The following FAM135B variants were observed in gnomAD, a reference collection of about 807,000 sequenced individuals.
FAM135B encodes protein FAM135B.
A neutral mutation model predicts 127.7 loss-of-function variants in FAM135B; 43 were observed. That is an observed-to-expected ratio of 0.34 (90% CI 0.26 to 0.43). FAM135B has a LOEUF of 0.43. Among genes scored for constraint, FAM135B ranks in the 20% least tolerant of loss-of-function variants. FAM135B has a pLI of 1.00. For missense variants in FAM135B, 1,558 were observed against 1,725.6 expected (o/e 0.90, Z 1.72); for synonymous variants, 670 against 665.1 (o/e 1.01, Z -0.11).
intron 5 of FAM135B, among the ~76,000 whole-genome samples, chr8:138,253,749 G>A (rs16908704): frequency 0.14 from 21,866 of 152,028 alleles, 1,708 homozygotes; most frequent in African/African-American, 0.17. Flanking sequence ...AAGCTCTTCC[G>A]TCCCTCATAT....
chr8:138,264,927 T>C (rs2130620521), intron 4 of FAM135B, among the ~76,000 whole-genome samples: 1 of 152,322 alleles, frequency 6.6e-6, no homozygotes, highest in East Asian at 1.9e-4. Flanking sequence ...CGATATATTC[T>C]AGCAGAAAAA....
chr8:138,297,142 C>T (rs902099070), intron 3 of FAM135B, among the ~76,000 whole-genome samples: 3 of 152,146 alleles, frequency 2.0e-5, no homozygotes, highest in Non-Finnish European at 4.4e-5. Context: ...GCATCTGCTA[C>T]GTCACTCCCT....
At chr8:138,312,381 T>A (rs1169133326) in intron 2 of FAM135B, among the ~76,000 whole-genome samples, 1 of 152,122 alleles carries the variant, frequency 6.6e-6, no homozygotes, top group African/African-American at 2.4e-5. Flanking sequence ...CAAATGAAGA[T>A]GCTTCAAGGT....
At chr8:138,213,255 A>G (rs1000472731) in intron 7 of FAM135B, among the ~76,000 whole-genome samples, 1 of 152,232 alleles carries the variant, frequency 6.6e-6, no homozygotes, top group Admixed American at 6.5e-5. Context: ...CTTAGAATAA[A>G]TTAAATGACT....
intron 6 of FAM135B, among the ~76,000 whole-genome samples, chr8:138,247,526 T>C (rs1821382259): frequency 6.6e-6 from 1 of 152,232 alleles, no homozygotes; most frequent in African/African-American, 2.4e-5. Flanking sequence ...TGACTGTATG[T>C]TTCCTGAGGC....
intron 15 of FAM135B, among the ~76,000 whole-genome samples, chr8:138,144,019 C>T (rs1817440838): frequency 6.6e-6 from 1 of 152,210 alleles, no homozygotes. Context: ...ATAAGCTCTT[C>T]TGCTTATGGG....
In FAM135B at chr8:138,345,657, C is replaced by A. The variant is rs554340536; in HGVS notation, c.77+22250G>T. 9.8e-5 allele frequency among the ~76,000 whole-genome samples: 15 copies of A among 152,336 alleles called. No homozygotes were observed. In the South Asian group the frequency reaches 2.9e-3, roughly 29 times the overall value. ...CAACTCTATCTGAAGCCACTCACTG[C>A]CCCCAAACCACCCAGCCATGTGGCG... On this transcript the variant is annotated intron_variant, in intron 2 of 19. Coordinates refer to ENST00000395297, the MANE Select transcript of FAM135B (RefSeq NM_015912.4).
At chr8:138,363,370 T>C (rs971306797) in intron 2 of FAM135B, among the ~76,000 whole-genome samples, 4 of 152,158 alleles carry the variant, frequency 2.6e-5, no homozygotes, top group African/African-American at 7.2e-5. Context: ...TTACAGGCCA[T>C]ACAATGTTGG....
In FAM135B at chr8:138,300,612, T is replaced by C. The variant is rs1004775034; in HGVS notation, c.157+10229A>G. 3.9e-5 allele frequency among the ~76,000 whole-genome samples: 6 copies of C among 152,150 alleles called. 1 individual carries two copies. The South Asian group carries it at 1.2e-3, about 32-fold the overall frequency. ...AAGAAGAAAAGACTAAATCATGTAA[T>C]TATCCATCATTAGTATCAACCTATT... On this transcript the variant is annotated intron_variant, in intron 3 of 19. Transcript: ENST00000395297.
At chr8:138,393,655 G>C (rs1269316121) in intron 1 of FAM135B, among the ~76,000 whole-genome samples, 2 of 152,122 alleles carry the variant, frequency 1.3e-5, no homozygotes, top group African/African-American at 4.8e-5. Context: ...AACTGCAGTA[G>C]TCTCAGGCTG....
chr8:138,438,148 T>C (rs1411315696), intron 1 of FAM135B: 1 of 152,210 alleles, frequency 6.6e-6, no homozygotes, highest in African/African-American at 2.4e-5. Context: ...CACTTTGACA[T>C]CCTAAGAATA....
At chr8:138,135,018 T>C (rs1197380493) in intron 19 of FAM135B, among the ~76,000 whole-genome samples, 3 of 152,220 alleles carry the variant, frequency 2.0e-5, no homozygotes, top group Non-Finnish European at 1.5e-5. Flanking sequence ...TCAGACTTTC[T>C]CTGTAAATAT....
At chr8:138,337,469 C>T (rs1274720773) in intron 2 of FAM135B, among the ~76,000 whole-genome samples, 1 of 151,248 alleles carries the variant, frequency 6.6e-6, no homozygotes, top group Non-Finnish European at 1.5e-5. Context: ...CAATAGCAGA[C>T]AAACAGAGGG....
rs150296447 is a variant in FAM135B, at chr8:138,167,817, T to C, written c.1258+78A>G. 4.6e-3 allele frequency: 6,721 copies of C among 1,471,592 alleles called. 88 individuals carry two copies. Among genetic ancestry groups the C allele is most frequent in the Middle Eastern group, 0.04 (221 of 5,550 alleles). The allele number at this position is 1,471,592 out of a possible 1,614,324, so 91.2% of individuals were successfully genotyped here. A position where few individuals can be genotyped will look rare whatever the true frequency, so the allele number is the denominator to read the frequency against. On this transcript the variant is annotated intron_variant, in intron 12 of 19. Transcript: ENST00000395297. Reference sequence around the variant, plus strand: ...TAATTTGGTCTCACTTTTGCTGGAATATAAACAAACTGTGCCATTGTCAGA... The same window carrying C: ...TAATTTGGTCTCACTTTTGCTGGAACATAAACAAACTGTGCCATTGTCAGA...
At chr8:138,194,646 T>C (rs1816462031) in intron 9 of FAM135B, among the ~76,000 whole-genome samples, 1 of 152,218 alleles carries the variant, frequency 6.6e-6, no homozygotes, top group African/African-American at 2.4e-5. Flanking sequence ...TTAGCTGTGT[T>C]AGTCACCCTG....
chr8:138,409,690 G>A (rs1436749899), intron 1 of FAM135B, among the ~76,000 whole-genome samples: 3 of 151,812 alleles, frequency 2.0e-5, no homozygotes, highest in Admixed American at 6.6e-5. Flanking sequence ...CCTGGCTAAC[G>A]TGGTGAAACC....
intron 2 of FAM135B, among the ~76,000 whole-genome samples, chr8:138,341,592 C>A (rs1829052686): frequency 6.6e-6 from 1 of 151,974 alleles, no homozygotes; most frequent in Non-Finnish European, 1.5e-5. Context: ...TTATATTATG[C>A]ATATTTTACC....
At chr8:138,463,411 G>A (rs956171893) in intron 1 of FAM135B, among the ~76,000 whole-genome samples, 1 of 152,166 alleles carries the variant, frequency 6.6e-6, no homozygotes, top group Non-Finnish European at 1.5e-5. Context: ...TATCAGGAAA[G>A]GGGGTGGGTG....
intron 7 of FAM135B, among the ~76,000 whole-genome samples, chr8:138,218,813 AG>A (rs1475303851): frequency 8.8e-5 from 13 of 148,390 alleles, no homozygotes; most frequent in African/African-American, 3.2e-4. Context: ...AGGGAGAGAA[AG>A]AGAGAGAGAG....
Sources: allele counts gnomAD v4.1 joint callset (sites outside exome capture counted in the v4.1 genomes callset), GRCh38; gene constraint gnomAD v4.1.1; transcripts MANE v1.5; gene names NCBI Gene and HGNC (gene_info 2026-07-23, HGNC 2026-07-21).